Variants in DLG5 observed in about 807,000 individuals in gnomAD.
The protein encoded by DLG5 is disks large homolog 5.
Under a neutral mutation model 189.8 loss-of-function variants are expected in DLG5, and 48 were observed. That is an observed-to-expected ratio of 0.25 (90% CI 0.20 to 0.32). DLG5 has a LOEUF of 0.32. DLG5 is among the 10% of genes least tolerant of loss of function. DLG5 has a pLI of 1.00. For missense variants in DLG5, 2,160 were observed against 2,544.7 expected, an observed-to-expected ratio of 0.85 and a Z score of 3.25; for synonymous variants, 1,016 against 1,054.1, an observed-to-expected ratio of 0.96 and a Z score of 0.70.
intron 16 of DLG5, 195 bp from the exon 17 acceptor site, chr10:77,819,660 T>G (rs1356000115): frequency 8.9e-6 from 9 of 1,011,646 alleles, no homozygotes; most frequent in Non-Finnish European, 9.8e-6. Flanking sequence ...GGGGGAAGTC[T>G]CTTTCATGCT....
intron 2 of DLG5, chr10:77,866,750 C>G: frequency 2.9e-6 from 1 of 348,456 alleles, no homozygotes. Context: ...CAGAGGAGGG[C>G]AGAGCTGCAT....
intron 20 of DLG5, chr10:77,815,905 G>A (rs1008032482): frequency 3.0e-5 from 11 of 362,090 alleles, no homozygotes; most frequent in Non-Finnish European, 6.0e-5. Flanking sequence ...CAGTGCGCGG[G>A]GGTGACGGAT....
intron 15 of DLG5, 139 bp downstream of exon 15, chr10:77,820,943 C>T: frequency 2.5e-6 from 3 of 1,209,798 alleles, no homozygotes; most frequent in South Asian, 1.7e-5. Context: ...CCACTTCCCA[C>T]TTGAGTCCAA....
intron 1 of DLG5, among the ~76,000 whole-genome samples, chr10:77,876,703 AAGGAAGGG>A (rs1295933656): frequency 7.9e-5 from 5 of 62,958 alleles, no homozygotes; most frequent in Admixed American, 2.3e-4. Context: ...GGAAGGAAGG[AAGGAAGGG>A]AGGGAGGGAG....
chr10:77,853,522 C>T lies in DLG5; in HGVS notation c.696G>A (p.Arg232=). ...TCAGCCGAGTCTGGTCACTCAGGAG[C>T]CGGCTGTGGAGTGTGCTGAAACACC... is the stretch of plus-strand genomic sequence containing the variant. ...ETDFYHTLHS[R]LLSDQTRLKD... Residue 232 remains arginine, a synonymous_variant, in exon 5 of 32, where the codon CGG becomes CGA. Transcript: ENST00000372391. The T allele has an allele frequency of 6.2e-7, 1 of 1,605,396 alleles. No individual in the cohort carries two copies. The highest frequency in any genetic ancestry group is 1.1e-5 in the South Asian group (1 of 89,864).
At chr10:77,875,713 G>A (rs1247070649) in intron 1 of DLG5, among the ~76,000 whole-genome samples, 1 of 152,108 alleles carries the variant, frequency 6.6e-6, no homozygotes, top group East Asian at 1.9e-4. Context: ...AAGACCTCCT[G>A]GGATGCTGGG....
At chr10:77,886,863 G>A (rs1198960448) in intron 1 of DLG5, among the ~76,000 whole-genome samples, 1 of 152,200 alleles carries the variant, frequency 6.6e-6, no homozygotes, top group Admixed American at 6.5e-5. Context: ...GACATGCACA[G>A]AAGGAGAACT....
chr10:77,821,919 C>T lies in DLG5; in HGVS notation c.2565G>A (p.Arg855=), dbSNP rs1161859197. The T allele has an allele frequency of 6.2e-7, 1 of 1,614,248 alleles. No homozygotes were observed. The highest frequency in any genetic ancestry group is 8.5e-7 in the Non-Finnish European group (1 of 1,180,042). The change falls in exon 15 of 32, where the codon AGG becomes AGA. Residue 855 remains arginine (R), a synonymous_variant. Transcript: ENST00000372391. ...DIFYTDRLED[R]KEPGPPGGSS... is the part of the protein sequence containing the mutation. ...TGCCTCCTGGGGGGCCTGGCTCCTTCCTGTCTTCCAGCCTGTCCGTGTAGA... is the reference window on the plus strand; with the variant it reads ...TGCCTCCTGGGGGGCCTGGCTCCTTTCTGTCTTCCAGCCTGTCCGTGTAGA...
rs117930733 is a variant in DLG5, at chr10:77,867,275, G to A, written c.373+1854C>T. On this transcript the variant is annotated intron_variant, in intron 2 of 31. Coordinates refer to ENST00000372391, the MANE Select transcript of DLG5 (RefSeq NM_004747.4). ...CCTCTCTGGAATCCCCTTTTAGAATGCACATGTGCCTAGGAAAGGTAACGA... is the reference window on the plus strand; with the variant it reads ...CCTCTCTGGAATCCCCTTTTAGAATACACATGTGCCTAGGAAAGGTAACGA... Among the ~76,000 whole-genome samples, 234 of 152,284 alleles carry A rather than the reference G, an allele frequency of 1.5e-3. 1 individual carries two copies. Among genetic ancestry groups the A allele is most frequent in the Non-Finnish European group, 3.0e-3 (207 of 68,026 alleles).
intron 1 of DLG5, among the ~76,000 whole-genome samples, chr10:77,925,960 C>A (rs990659295): frequency 1.9e-4 from 29 of 152,216 alleles, no homozygotes; most frequent in Admixed American, 3.3e-4. Context: ...CCTGGTGGCC[C>A]CCGGGGACCC....
chr10:77,895,472 T>C (rs1845731245), intron 1 of DLG5, among the ~76,000 whole-genome samples: 3 of 152,162 alleles, frequency 2.0e-5, no homozygotes, highest in Admixed American at 2.0e-4. Flanking sequence ...CTGGCAATGG[T>C]ACATTTGAGC....
chr10:77,853,393 G>A lies in DLG5; in HGVS notation c.825C>T (p.Asp275=), dbSNP rs1844074876. 1 of 1,600,508 alleles carries A rather than the reference G, an allele frequency of 6.2e-7. No homozygotes were observed. Among genetic ancestry groups the A allele is most frequent in the Non-Finnish European group, 8.5e-7 (1 of 1,172,864 alleles). ...WEDMKRLHEE[D]QKEIGDLRAQ... is the part of the protein sequence containing the mutation. The stretch of plus-strand genomic sequence containing the variant: ...CACGGAGGTCACCGATCTCCTTCTG[G>A]TCCTCCTCGTGGAGCCGCTTCATGT... The change falls in exon 5 of 32, where the codon GAC becomes GAT. Residue 275 remains aspartate, a synonymous_variant. Transcript: ENST00000372391.
chr10:77,933,251 G>T, the DLG5 span, among the ~76,000 whole-genome samples: 2 of 151,626 alleles, frequency 1.3e-5, no homozygotes, highest in African/African-American at 4.8e-5. Context: ...TTTTTTGTTT[G>T]TTTTTGTTTT....
At chr10:77,935,871 T>C in the DLG5 span, among the ~76,000 whole-genome samples, 2 of 152,068 alleles carry the variant, frequency 1.3e-5, no homozygotes, top group Non-Finnish European at 2.9e-5. Flanking sequence ...TGGCCCAACA[T>C]CCGAGATGCA....
Position 77,807,792 on chromosome 10 carries a change from G to A in DLG5, c.4796+4C>T. On this transcript the variant is annotated splice_donor_region_variant and intron_variant, in intron 25 of 31. Transcript: ENST00000372391. ...TCTCCCACCGATTCCCCAGCCACTG[G>A]TACCTGATGTAGAAGCTGTCACCAG... The A allele has an allele frequency of 6.2e-7, 1 of 1,611,766 alleles. No homozygotes were observed. The highest frequency in any genetic ancestry group is 8.5e-7 in the Non-Finnish European group (1 of 1,178,402).
chr10:77,881,757 T>C (rs1411054720), intron 1 of DLG5, among the ~76,000 whole-genome samples: 2 of 152,184 alleles, frequency 1.3e-5, no homozygotes, highest in Non-Finnish European at 2.9e-5. Flanking sequence ...CACCATCCCA[T>C]AATGGCATGT....
intron 27 of DLG5, among the ~76,000 whole-genome samples, chr10:77,802,761 G>A (rs1204392312): frequency 6.6e-6 from 1 of 152,270 alleles, no homozygotes; most frequent in South Asian, 2.1e-4. Flanking sequence ...TTAGCCAGAT[G>A]TGGTGACAGG....
chr10:77,873,046 C>T (rs150140920), intron 1 of DLG5, among the ~76,000 whole-genome samples: 41 of 151,646 alleles, frequency 2.7e-4, no homozygotes, highest in African/African-American at 9.7e-4. Context: ...CACACACACA[C>T]ACACACGAGA....
intron 1 of DLG5, among the ~76,000 whole-genome samples, chr10:77,895,326 G>C (rs754476509): frequency 1.3e-5 from 2 of 152,322 alleles, no homozygotes; most frequent in African/African-American, 2.4e-5. Context: ...GACCCTAGCT[G>C]ATGTTCTGAA....
Sources: gnomAD v4.1 joint callset for allele counts (sites outside exome capture counted in the v4.1 genomes callset) on GRCh38, gnomAD v4.1.1 for gene constraint, MANE v1.5 for transcripts, NCBI Gene and HGNC (gene_info 2026-07-23, HGNC 2026-07-21) for gene names.